The following EBF1 variants were observed in gnomAD, a reference collection of about 807,000 sequenced individuals.
The protein encoded by EBF1 is transcription factor COE1.
A neutral mutation model predicts 68.4 loss-of-function variants in EBF1; 10 were observed. That is an observed-to-expected ratio of 0.15 (90% CI 0.09 to 0.25). The LOEUF is 0.25. Ranked by LOEUF, EBF1 falls within the 10% of genes least tolerant of loss-of-function variation. The probability of loss-of-function intolerance (pLI) is 1.00; values close to 1 mark genes in which losing one functional copy is unlikely to be tolerated. For missense variants in EBF1, 509 were observed against 794.4 expected (o/e 0.64, Z 4.32); for synonymous variants, 298 against 299.8 (o/e 0.99, Z 0.06).
chr5:158,765,956 C>A (rs1461484643), intron 10 of EBF1, among the ~76,000 whole-genome samples: 2 of 152,150 alleles, frequency 1.3e-5, no homozygotes, highest in African/African-American at 2.4e-5. Context: ...ATGGGCAGAT[C>A]CCCTGCCCTC....
chr5:158,961,898 T>C (rs1388534620), intron 6 of EBF1, among the ~76,000 whole-genome samples: 2 of 152,184 alleles, frequency 1.3e-5, no homozygotes, highest in African/African-American at 4.8e-5. Flanking sequence ...TTTGAAATCC[T>C]AGAAAGTCTT....
At chr5:158,857,343 C>T (rs544105804) in intron 6 of EBF1, among the ~76,000 whole-genome samples, 1 of 152,156 alleles carries the variant, frequency 6.6e-6, no homozygotes, top group South Asian at 2.1e-4. Context: ...TCTCCAAACT[C>T]TCTCCTCTGT....
chr5:158,821,382 C>CT (rs947805182), intron 8 of EBF1, among the ~76,000 whole-genome samples: 3 of 152,092 alleles, frequency 2.0e-5, no homozygotes, highest in African/African-American at 7.2e-5. Flanking sequence ...TCTATGTTTG[C>CT]TTTTGGTTTT....
At chr5:159,061,656 C>T (rs1283276534) in intron 6 of EBF1, among the ~76,000 whole-genome samples, 1 of 152,000 alleles carries the variant, frequency 6.6e-6, no homozygotes, top group Non-Finnish European at 1.5e-5. Context: ...GTGTCCGGCT[C>T]GGAAGCCGAA....
intron 6 of EBF1, among the ~76,000 whole-genome samples, chr5:158,980,358 C>T (rs557146144): frequency 4.1e-4 from 62 of 152,246 alleles, no homozygotes; most frequent in Middle Eastern, 6.8e-3. Flanking sequence ...ACTGCTGGCA[C>T]GCTCTCTATC....
chr5:158,733,007 T>G (rs888682665), intron 10 of EBF1, among the ~76,000 whole-genome samples: 1 of 152,184 alleles, frequency 6.6e-6, no homozygotes, highest in Non-Finnish European at 1.5e-5. Flanking sequence ...TTCCTTCCAT[T>G]TTATGAATTA....
Position 158,866,873 on chromosome 5 carries a change from A to G in EBF1, c.555-26763T>C, listed in dbSNP as rs192448085. On this transcript the variant is annotated intron_variant, in intron 6 of 15. Transcript: ENST00000313708. ...TATATATATATATATATATATATAT[A>G]TATATATATATATATATATATAAAG... 2.1e-4 allele frequency among the ~76,000 whole-genome samples: 18 copies of G among 86,474 alleles called. 1 individual carries two copies. Among genetic ancestry groups the G allele is most frequent in the South Asian group, 3.7e-4 (1 of 2,708 alleles). 56.7% of individuals were successfully genotyped at this position (86,474 alleles called of 152,430 possible). A position where few individuals can be genotyped will look rare whatever the true frequency, so the allele number is the denominator to read the frequency against.
chr5:159,044,588 A>C (rs1367759525), intron 6 of EBF1, among the ~76,000 whole-genome samples: 1 of 152,220 alleles, frequency 6.6e-6, no homozygotes, highest in Non-Finnish European at 1.5e-5. Context: ...CAGAAAATAC[A>C]TGTGGAGTAT....
intron 9 of EBF1, among the ~76,000 whole-genome samples, chr5:158,788,324 G>T (rs1339202985): frequency 6.6e-6 from 1 of 152,134 alleles, no homozygotes; most frequent in Non-Finnish European, 1.5e-5. Flanking sequence ...GATCTTAAAG[G>T]GCAGAGGGAT....
At chr5:158,703,696 T>C (rs1581155095) in intron 15 of EBF1, among the ~76,000 whole-genome samples, 1 of 152,070 alleles carries the variant, frequency 6.6e-6, no homozygotes, top group East Asian at 1.9e-4. Context: ...TGATAGAATC[T>C]GTGAATCCTA....
intron 6 of EBF1, among the ~76,000 whole-genome samples, chr5:159,044,408 A>G (rs184026497): frequency 3.9e-4 from 60 of 152,318 alleles, no homozygotes; most frequent in Middle Eastern, 3.4e-3. Context: ...CTGAATACTT[A>G]AATTTTCATA....
chr5:159,098,942 G>A lies in EBF1; in HGVS notation c.134+403C>T, dbSNP rs552156686. 2.1e-4 allele frequency among the ~76,000 whole-genome samples: 32 copies of A among 150,626 alleles called. No homozygotes were observed. The East Asian group carries it at 6.3e-3, about 29-fold the overall frequency. ...GAAGGAAGGAAGAGAAAGAAAGAAA[G>A]AAAAAAGAAAAGAGGGAAAGGAAGA... is the stretch of plus-strand genomic sequence containing the variant. On this transcript the variant is annotated intron_variant, in intron 1 of 15. Transcript: ENST00000313708.
intron 9 of EBF1, among the ~76,000 whole-genome samples, chr5:158,794,965 T>C (rs545262808): frequency 6.6e-6 from 1 of 152,318 alleles, no homozygotes; most frequent in African/African-American, 2.4e-5. Context: ...TCATCTCTGA[T>C]TTGGCTTTAT....
intron 6 of EBF1, among the ~76,000 whole-genome samples, chr5:158,853,659 G>A (rs367967645): frequency 5.3e-5 from 8 of 152,102 alleles, no homozygotes; most frequent in African/African-American, 9.7e-5. Flanking sequence ...GGCAGGAGAC[G>A]AGACAGTCTC....
chr5:158,961,472 G>A (rs1182887963), intron 6 of EBF1, among the ~76,000 whole-genome samples: 1 of 152,054 alleles, frequency 6.6e-6, no homozygotes, highest in Non-Finnish European at 1.5e-5. Flanking sequence ...GCAACTATGT[G>A]TTTAAAAAAT....
At chr5:158,708,773 G>A (rs1282342813) in intron 14 of EBF1, among the ~76,000 whole-genome samples, 1 of 152,202 alleles carries the variant, frequency 6.6e-6, no homozygotes, top group South Asian at 2.1e-4. Context: ...CAGCTTGAGA[G>A]GATGGCCACC....
At chr5:158,732,805 C>A (rs1288949985) in intron 10 of EBF1, among the ~76,000 whole-genome samples, 1 of 152,008 alleles carries the variant, frequency 6.6e-6, no homozygotes, top group Non-Finnish European at 1.5e-5. Context: ...TTATTGAAGT[C>A]ATTAATAGAG....
chr5:159,087,105 C>A (rs1298801335), intron 4 of EBF1, among the ~76,000 whole-genome samples: 3 of 151,742 alleles, frequency 2.0e-5, no homozygotes, highest in Non-Finnish European at 4.4e-5. Context: ...TTTGTATGTT[C>A]TCTAAATACT....
At chr5:158,902,689 C>G (rs1188463177) in intron 6 of EBF1, among the ~76,000 whole-genome samples, 1 of 151,718 alleles carries the variant, frequency 6.6e-6, no homozygotes, top group Admixed American at 6.6e-5. Context: ...CTCCTGGTCT[C>G]AAGGGATCCT....
Sources: gnomAD v4.1 joint callset for allele counts (sites outside exome capture counted in the v4.1 genomes callset) on GRCh38, gnomAD v4.1.1 for gene constraint, MANE v1.5 for transcripts, NCBI Gene and HGNC (gene_info 2026-07-23, HGNC 2026-07-21) for gene names.